Variants in NUTF2 observed in about 807,000 individuals in gnomAD.
NUTF2 encodes the protein placental protein 15.
In NUTF2, 3 loss-of-function variants were observed where a neutral mutation model predicts 18.5. That is an observed-to-expected ratio of 0.16 (90% confidence interval 0.07 to 0.42). The LOEUF is 0.42. Ranked by LOEUF, NUTF2 falls within the 10% of genes least tolerant of loss-of-function variation. The pLI, the probability that NUTF2 is intolerant of heterozygous loss-of-function variation, is 0.99. For missense variants in NUTF2, 44 were observed against 160.7 expected (o/e 0.27, Z 3.93); for synonymous variants, 51 against 57.9 (o/e 0.88, Z 0.54).
intron 1 of NUTF2, among the ~76,000 whole-genome samples, chr16:67,850,763 T>C (rs2057849031): frequency 6.6e-6 from 1 of 152,070 alleles, no homozygotes; most frequent in Admixed American, 6.6e-5. Context: ...CTCAATTAGC[T>C]CAAAATTATG....
At chr16:67,847,512 C>T (rs1276648659) in intron 1 of NUTF2, 1 of 152,366 alleles carries the variant, frequency 6.6e-6, no homozygotes, top group Non-Finnish European at 1.5e-5. Context: ...TGTTCCCGAC[C>T]ATAGCCCGGC....
At chr16:67,850,186 C>T (rs2057842385) in intron 1 of NUTF2, among the ~76,000 whole-genome samples, 1 of 151,618 alleles carries the variant, frequency 6.6e-6, no homozygotes, top group Non-Finnish European at 1.5e-5. Context: ...TCATTCCAAC[C>T]TCTAGAAGTT....
At chr16:67,856,348 CG>C (rs1182710984) in intron 1 of NUTF2, among the ~76,000 whole-genome samples, 1 of 151,970 alleles carries the variant, frequency 6.6e-6, no homozygotes, top group Non-Finnish European at 1.5e-5. Context: ...CCCACCACCA[CG>C]CCTGGCAAAT....
chr16:67,866,842 A>G (rs2057975720), intron 2 of NUTF2, among the ~76,000 whole-genome samples: 1 of 152,144 alleles, frequency 6.6e-6, no homozygotes, highest in South Asian at 2.1e-4. Context: ...TCCTGACCTC[A>G]GGTGATCTGC....
At chr16:67,848,250 G>C (rs2057822836) in intron 1 of NUTF2, among the ~76,000 whole-genome samples, 1 of 152,166 alleles carries the variant, frequency 6.6e-6, no homozygotes, top group African/African-American at 2.4e-5. Flanking sequence ...GGCATGTAAA[G>C]CGTTGATTTC....
chr16:67,866,854 T>C (rs2057975810), intron 2 of NUTF2, among the ~76,000 whole-genome samples: 1 of 152,210 alleles, frequency 6.6e-6, no homozygotes, highest in Admixed American at 6.5e-5. Flanking sequence ...GTGATCTGCC[T>C]GCCTTGGCTT....
intron 1 of NUTF2, among the ~76,000 whole-genome samples, chr16:67,864,666 G>T (rs2057958193): frequency 6.6e-6 from 1 of 152,148 alleles, no homozygotes; most frequent in Non-Finnish European, 1.5e-5. Context: ...GTTGTTCTTG[G>T]CTGTAAAGTG....
intron 1 of NUTF2, among the ~76,000 whole-genome samples, chr16:67,852,302 C>T (rs1047444771): frequency 1.3e-5 from 2 of 150,954 alleles, no homozygotes; most frequent in African/African-American, 4.9e-5. Flanking sequence ...GACCCTGTCT[C>T]CAAAAAAAAG....
At chr16:67,850,659 T>C (rs1353413150) in intron 1 of NUTF2, among the ~76,000 whole-genome samples, 1 of 152,146 alleles carries the variant, frequency 6.6e-6, no homozygotes, top group Non-Finnish European at 1.5e-5. Context: ...CTGCATCCTC[T>C]ATTCATGTAG....
intron 4 of NUTF2, 50 bp from the exon 5 acceptor site, chr16:67,870,750 C>T (rs752853568): frequency 2.7e-6 from 4 of 1,460,588 alleles, no homozygotes; most frequent in Non-Finnish European, 3.8e-6. Flanking sequence ...CACTGAATTC[C>T]CTTCCTGTTT....
chr16:67,862,111 G>A (rs1402548775), intron 1 of NUTF2, among the ~76,000 whole-genome samples: 2 of 152,150 alleles, frequency 1.3e-5, no homozygotes, highest in African/African-American at 2.4e-5. Context: ...AGGGAGTTTG[G>A]CCTTTAAGCC....
chr16:67,867,949 G>A (rs1009252825), intron 2 of NUTF2, among the ~76,000 whole-genome samples: 1 of 152,092 alleles, frequency 6.6e-6, no homozygotes, highest in Non-Finnish European at 1.5e-5. Flanking sequence ...GCTTCCCAAA[G>A]TTCTGGGATT....
At chr16:67,851,289 T>A (rs2057855682) in intron 1 of NUTF2, among the ~76,000 whole-genome samples, 1 of 151,300 alleles carries the variant, frequency 6.6e-6, no homozygotes, top group African/African-American at 2.4e-5. Context: ...GAGACCAGCT[T>A]GGCCAATATA....
intron 1 of NUTF2, among the ~76,000 whole-genome samples, chr16:67,850,205 C>CTT (rs768001106): frequency 0.028 from 4,264 of 149,730 alleles, 90 homozygotes; most frequent in Middle Eastern, 0.15. Context: ...TTCCCTGTAA[C>CTT]TTCTTTTTTT....
At chr16:67,860,967 C>G (rs568910275) in intron 1 of NUTF2, among the ~76,000 whole-genome samples, 2 of 152,358 alleles carry the variant, frequency 1.3e-5, no homozygotes, top group East Asian at 3.9e-4. Flanking sequence ...TGATGTGGAA[C>G]TCTTCTGCCT....
intron 1 of NUTF2, among the ~76,000 whole-genome samples, chr16:67,849,727 C>T (rs891998471): frequency 6.6e-6 from 1 of 152,014 alleles, no homozygotes; most frequent in African/African-American, 2.4e-5. Flanking sequence ...GGTGCGATCT[C>T]TGCTCATTGC....
At chr16:67,865,268 G>A (rs1413548261) in intron 2 of NUTF2, 39 bp downstream of exon 2, 2 of 1,398,788 alleles carry the variant, frequency 1.4e-6, no homozygotes, top group Admixed American at 1.7e-5. Context: ...GACCCTAGGG[G>A]ATCAATTTGG....
chr16:67,862,257 A>G (rs2057939762), intron 1 of NUTF2, among the ~76,000 whole-genome samples: 1 of 152,202 alleles, frequency 6.6e-6, no homozygotes, highest in South Asian at 2.1e-4. Context: ...AGGTGAGCTT[A>G]GGGCAAGACC....
intron 1 of NUTF2, among the ~76,000 whole-genome samples, chr16:67,857,982 A>G (rs1325281435): frequency 6.6e-6 from 1 of 152,234 alleles, no homozygotes; most frequent in East Asian, 1.9e-4. Flanking sequence ...TGACACACTC[A>G]TGCACTTAGT....
Sources: allele counts gnomAD v4.1 joint callset (sites outside exome capture counted in the v4.1 genomes callset), GRCh38; gene constraint gnomAD v4.1.1; transcripts MANE v1.5; gene names NCBI Gene and HGNC (gene_info 2026-07-23, HGNC 2026-07-21).